Variants in DLG2 observed in about 807,000 individuals in gnomAD.
The protein encoded by DLG2 is discs large MAGUK scaffold protein 2, also known as disks large homolog 2.
DLG2 carries 45 observed loss-of-function variants against 132.5 expected under a neutral mutation model. That is an observed-to-expected ratio of 0.34 (90% CI 0.27 to 0.44). DLG2 has a LOEUF of 0.44. DLG2 is among the 20% of genes least tolerant of loss of function. The pLI, the probability that DLG2 is intolerant of heterozygous loss-of-function variation, is 1.00. For missense variants in DLG2, 1,045 were observed against 1,196.9 expected (o/e 0.87, Z 1.87); for synonymous variants, 424 against 419.6 (o/e 1.01, Z -0.13).
At chr11:84,842,012 G>A (rs1247076068) in intron 6 of DLG2, among the ~76,000 whole-genome samples, 1 of 151,788 alleles carries the variant, frequency 6.6e-6, no homozygotes, top group Non-Finnish European at 1.5e-5. Flanking sequence ...TATGGGCCTT[G>A]AACACCTTTA....
intron 6 of DLG2, among the ~76,000 whole-genome samples, chr11:84,618,153 G>T (rs2099607728): frequency 6.6e-6 from 1 of 152,010 alleles, no homozygotes; most frequent in South Asian, 2.1e-4. Context: ...TAACTATTTG[G>T]GGAGGAGCAT....
At chr11:85,088,882 T>C (rs2068334419) in intron 6 of DLG2, among the ~76,000 whole-genome samples, 1 of 152,174 alleles carries the variant, frequency 6.6e-6, no homozygotes, top group Admixed American at 6.5e-5. Flanking sequence ...AAGCTTTATG[T>C]CCTTGTCAGC....
intron 15 of DLG2, among the ~76,000 whole-genome samples, chr11:83,928,258 GA>G (rs927701277): frequency 3.3e-5 from 5 of 149,986 alleles, no homozygotes; most frequent in Admixed American, 1.3e-4. Context: ...TGTGTAATTT[GA>G]AAAAAAAATT....
intron 18 of DLG2, among the ~76,000 whole-genome samples, chr11:83,695,369 A>G (rs1157412022): frequency 6.6e-6 from 1 of 152,220 alleles, no homozygotes; most frequent in Non-Finnish European, 1.5e-5. Flanking sequence ...AGAAGAAAAT[A>G]TATGAGGTGC....
chr11:84,358,469 A>G (rs1342146860), intron 7 of DLG2, among the ~76,000 whole-genome samples: 1 of 151,254 alleles, frequency 6.6e-6, no homozygotes, highest in African/African-American at 2.4e-5. Context: ...GTGCCAGGTA[A>G]TAAGTAGATA....
chr11:85,303,398 G>T (rs185054489), intron 3 of DLG2, among the ~76,000 whole-genome samples: 2 of 152,256 alleles, frequency 1.3e-5, no homozygotes, highest in African/African-American at 4.8e-5. Context: ...GATAATAATA[G>T]CAGAGGGAGA....
chr11:85,462,410 G>A (rs534838849), intron 3 of DLG2, among the ~76,000 whole-genome samples: 21 of 152,158 alleles, frequency 1.4e-4, no homozygotes, highest in East Asian at 7.7e-4. Context: ...CCATATGTCC[G>A]ACAATGATAG....
At chr11:84,866,476 T>G (rs1037172668) in intron 6 of DLG2, among the ~76,000 whole-genome samples, 9 of 152,182 alleles carry the variant, frequency 5.9e-5, no homozygotes, top group Admixed American at 2.6e-4. Context: ...AGAATCAGAG[T>G]GCGAGGAGGT....
At chr11:84,863,327 A>C (rs1197584504) in intron 6 of DLG2, among the ~76,000 whole-genome samples, 1 of 152,022 alleles carries the variant, frequency 6.6e-6, no homozygotes, top group Non-Finnish European at 1.5e-5. Context: ...CTATTTGAGG[A>C]AGTTTGACAA....
chr11:84,423,526 C>G (rs1048308715), intron 7 of DLG2, among the ~76,000 whole-genome samples: 2 of 152,096 alleles, frequency 1.3e-5, no homozygotes, highest in Non-Finnish European at 2.9e-5. Flanking sequence ...TATAAAATCC[C>G]TAAACACATC....
At position 83,510,830 on chromosome 11, in the gene DLG2, G is replaced by GTTTT. The variant is rs566973328; in HGVS notation, c.2193+21874_2193+21877dup. ...TGGCTCAAAAGTTTCTGAACCATCCGTTTTTTTTTTTTTTTTTTTTTGGAA... is the reference window on the plus strand; with the variant it reads ...TGGCTCAAAAGTTTCTGAACCATCCGTTTTTTTTTTTTTTTTTTTTTTTTTGGAA... On this transcript the variant is annotated intron_variant, in intron 21 of 27. Transcript: ENST00000376104. Among the ~76,000 whole-genome samples the GTTTT allele has an allele frequency of 7.1e-3, 628 of 88,634 alleles. 9 individuals carry two copies. The highest frequency in any genetic ancestry group is 0.016 in the African/African-American group (358 of 22,276). The allele number at this position is 88,634 out of a possible 152,430, so 58.1% of individuals were successfully genotyped here.
At chr11:84,450,827 T>C (rs967014780) in intron 7 of DLG2, among the ~76,000 whole-genome samples, 1 of 151,672 alleles carries the variant, frequency 6.6e-6, no homozygotes, top group African/African-American at 2.4e-5. Flanking sequence ...GCCTGTTTAT[T>C]CATCATTGTA....
chr11:85,197,155 A>G (rs2081129241), intron 4 of DLG2, among the ~76,000 whole-genome samples: 1 of 152,218 alleles, frequency 6.6e-6, no homozygotes, highest in Non-Finnish European at 1.5e-5. Context: ...GAGCTATATA[A>G]TTTGGCAGAC....
At chr11:85,067,736 G>T (rs1420743418) in intron 6 of DLG2, among the ~76,000 whole-genome samples, 1 of 151,838 alleles carries the variant, frequency 6.6e-6, no homozygotes, top group Non-Finnish European at 1.5e-5. Flanking sequence ...AGGAGGAGGA[G>T]GAGTTTTCCT....
chr11:84,453,931 C>G (rs1181954937), intron 7 of DLG2, among the ~76,000 whole-genome samples: 6 of 151,648 alleles, frequency 4.0e-5, no homozygotes. Context: ...ATTTTCTGTA[C>G]TCATTTCCTT....
rs578231933 is a variant in DLG2 at position 83,574,641 on chromosome 11, T to C, written c.1941-32783A>G. Among the ~76,000 whole-genome samples the C allele has an allele frequency of 6.6e-5, 10 of 152,302 alleles. No homozygotes were observed. The East Asian group carries it at 1.9e-3, about 29-fold the overall frequency. On this transcript the variant is annotated intron_variant, in intron 19 of 27. Transcript: ENST00000376104. ...CACTGTATCCTGAGCTGAACCAAAC[T>C]CTTGTGATTCCAAAGCTGCAGGATG...
At chr11:85,508,366 G>A (rs992244365) in intron 3 of DLG2, among the ~76,000 whole-genome samples, 2 of 152,000 alleles carry the variant, frequency 1.3e-5, no homozygotes, top group East Asian at 1.9e-4. Context: ...CAAGGCCCTT[G>A]CACTTGCTAT....
At chr11:84,315,025 C>T (rs949633161) in intron 7 of DLG2, among the ~76,000 whole-genome samples, 2 of 151,958 alleles carry the variant, frequency 1.3e-5, no homozygotes, top group East Asian at 1.9e-4. Context: ...TTAGTCCCAG[C>T]CAATAATACA....
intron 3 of DLG2, among the ~76,000 whole-genome samples, chr11:85,390,365 T>C (rs773608641): frequency 1.8e-4 from 28 of 152,162 alleles, no homozygotes; most frequent in Admixed American, 9.2e-4. Context: ...CATTTACTAC[T>C]AGACCTAAGA....
Sources: gnomAD v4.1 joint callset for allele counts (sites outside exome capture counted in the v4.1 genomes callset) on GRCh38, gnomAD v4.1.1 for gene constraint, MANE v1.5 for transcripts, NCBI Gene and HGNC (gene_info 2026-07-23, HGNC 2026-07-21) for gene names.